Variants in PRKG1 observed in about 807,000 individuals in gnomAD.
PRKG1 encodes cGMP-dependent protein kinase 1.
PRKG1 carries 35 observed loss-of-function variants against 88.1 expected under a neutral mutation model. The ratio of observed to expected loss-of-function variants is 0.40; its 90% CI spans 0.30 to 0.53. The LOEUF (loss-of-function observed/expected upper bound fraction) is 0.53. Among genes scored for constraint, PRKG1 ranks in the 20% least tolerant of loss-of-function variants. The probability of loss-of-function intolerance (pLI) is 0.59; values close to 1 mark genes in which losing one functional copy is unlikely to be tolerated. For missense variants in PRKG1, 540 were observed against 839.8 expected (o/e 0.64, Z 4.41); for synonymous variants, 303 against 292.5 (o/e 1.04, Z -0.37).
At chr10:51,706,333 A>G (rs1291999035) in intron 3 of PRKG1, among the ~76,000 whole-genome samples, 3 of 152,140 alleles carry the variant, frequency 2.0e-5, no homozygotes, top group African/African-American at 7.2e-5. Context: ...GGCCTTCCAA[A>G]GTGCTGGGAG....
chr10:52,254,708 G>C (rs1225639987), intron 10 of PRKG1, among the ~76,000 whole-genome samples: 2 of 151,966 alleles, frequency 1.3e-5, no homozygotes, highest in Non-Finnish European at 2.9e-5. Flanking sequence ...TATCATTCAT[G>C]TCAATTTAGA....
At chr10:51,303,972 A>T (rs370442406) in intron 2 of PRKG1, among the ~76,000 whole-genome samples, 1 of 151,730 alleles carries the variant, frequency 6.6e-6, no homozygotes, top group Non-Finnish European at 1.5e-5. Context: ...GGCACCCACC[A>T]CCATGCCCAG....
At chr10:51,277,029 T>C (rs1337553356) in intron 2 of PRKG1, among the ~76,000 whole-genome samples, 15 of 152,248 alleles carry the variant, frequency 9.9e-5, no homozygotes, top group African/African-American at 3.4e-4. Flanking sequence ...GACATGAAGT[T>C]CTTGCCCATG....
chr10:51,555,714 GT>G (rs1460891909), intron 3 of PRKG1, among the ~76,000 whole-genome samples: 1 of 151,982 alleles, frequency 6.6e-6, no homozygotes, highest in East Asian at 1.9e-4. Context: ...GTATCGGAAA[GT>G]TTAGTAAACA....
intron 4 of PRKG1, among the ~76,000 whole-genome samples, chr10:51,820,503 A>G (rs1047428444): frequency 6.6e-6 from 1 of 152,154 alleles, no homozygotes. Context: ...AACCTACAGA[A>G]GCAGAGGCAC....
intron 3 of PRKG1, among the ~76,000 whole-genome samples, chr10:51,681,733 G>T (rs1441546745): frequency 6.6e-6 from 1 of 151,796 alleles, no homozygotes; most frequent in East Asian, 1.9e-4. Context: ...TTTAAGTAAG[G>T]CTCAGAAATA....
At chr10:51,481,672 T>C (rs1294868678) in intron 3 of PRKG1, among the ~76,000 whole-genome samples, 3 of 152,226 alleles carry the variant, frequency 2.0e-5, no homozygotes, top group Non-Finnish European at 4.4e-5. Flanking sequence ...CTCTCAGTTC[T>C]TGCTTTTATT....
At chr10:51,713,130 C>T (rs1841802552) in intron 3 of PRKG1, among the ~76,000 whole-genome samples, 1 of 152,152 alleles carries the variant, frequency 6.6e-6, no homozygotes, top group Non-Finnish European at 1.5e-5. Flanking sequence ...TTATATTTTT[C>T]TGCACTTAGA....
intron 3 of PRKG1, among the ~76,000 whole-genome samples, chr10:51,721,811 T>G (rs1842020131): frequency 6.6e-6 from 1 of 152,238 alleles, no homozygotes; most frequent in Non-Finnish European, 1.5e-5. Context: ...TGCTGAATTT[T>G]CAGTCTATAA....
chr10:52,165,170 C>T (rs566011692), intron 9 of PRKG1, among the ~76,000 whole-genome samples: 36 of 152,164 alleles, frequency 2.4e-4, no homozygotes, highest in Middle Eastern at 3.4e-3. Flanking sequence ...GAGGAGTTAT[C>T]GTTGTGTCTT....
chr10:51,078,638 A>G (rs1844028673), intron 1 of PRKG1, among the ~76,000 whole-genome samples: 1 of 140,552 alleles, frequency 7.1e-6, no homozygotes, highest in Non-Finnish European at 1.6e-5. Flanking sequence ...ATTTATTGAG[A>G]CGGAGTCTCG....
At chr10:52,025,526 G>T (rs1243181873) in intron 5 of PRKG1, among the ~76,000 whole-genome samples, 2 of 152,084 alleles carry the variant, frequency 1.3e-5, no homozygotes, top group African/African-American at 4.8e-5. Flanking sequence ...AAGGGATCCA[G>T]TTTCAGCTTT....
chr10:51,759,768 G>T (rs1473202553), intron 3 of PRKG1, among the ~76,000 whole-genome samples: 1 of 151,982 alleles, frequency 6.6e-6, no homozygotes, highest in Non-Finnish European at 1.5e-5. Context: ...GTGTGTGCAT[G>T]TGTGTATGTG....
At position 52,095,237 on chromosome 10, in the gene PRKG1, A is replaced by T. The variant is rs141492732; in HGVS notation, c.935+32606A>T. ...TCTGCCTGGCATATTCTTTCCCAGT[A>T]TATCTTCTTGATATACTAAATTCCT... is the stretch of plus-strand genomic sequence containing the variant. On this transcript the variant is annotated intron_variant, in intron 7 of 17. Transcript: ENST00000373980. 5.1e-3 allele frequency among the ~76,000 whole-genome samples: 772 copies of T among 152,232 alleles called. 10 individuals carry two copies. Among genetic ancestry groups the T allele is most frequent in the African/African-American group, 0.017 (716 of 41,528 alleles).
At chr10:51,089,201 T>G (rs1844337555) in intron 1 of PRKG1, among the ~76,000 whole-genome samples, 1 of 152,166 alleles carries the variant, frequency 6.6e-6, no homozygotes. Context: ...CTCTAATAAA[T>G]GTGTAATCCC....
chr10:51,318,962 A>G (rs1841388405), intron 2 of PRKG1, among the ~76,000 whole-genome samples: 1 of 152,236 alleles, frequency 6.6e-6, no homozygotes, highest in South Asian at 2.1e-4. Context: ...TTTCTGTAAT[A>G]ACACTTCATG....
intron 3 of PRKG1, among the ~76,000 whole-genome samples, chr10:51,468,268 T>A (rs1250460256): frequency 2.0e-5 from 3 of 151,866 alleles, no homozygotes; most frequent in Non-Finnish European, 4.4e-5. Flanking sequence ...GAAATGTCCT[T>A]CATCTCATTC....
At chr10:51,779,815 G>A (rs920879179) in intron 3 of PRKG1, among the ~76,000 whole-genome samples, 10 of 151,972 alleles carry the variant, frequency 6.6e-5, no homozygotes, top group African/African-American at 2.2e-4. Flanking sequence ...TTTAAATTGG[G>A]GTTTACTGTG....
At chr10:51,304,078 C>G (rs1840968051) in intron 2 of PRKG1, among the ~76,000 whole-genome samples, 1 of 152,034 alleles carries the variant, frequency 6.6e-6, no homozygotes, top group South Asian at 2.1e-4. Flanking sequence ...CCTCGGCCTC[C>G]CAAAGTGCTG....
Sources: gnomAD v4.1 joint callset for allele counts (sites outside exome capture counted in the v4.1 genomes callset) on GRCh38, gnomAD v4.1.1 for gene constraint, MANE v1.5 for transcripts, NCBI Gene and HGNC (gene_info 2026-07-23, HGNC 2026-07-21) for gene names.